The following WWC2 variants were observed in gnomAD, a reference collection of about 807,000 sequenced individuals.
The protein encoded by WWC2 is WW and C2 domain containing 2, also known as protein WWC2.
WWC2 carries 101 observed loss-of-function variants against 138.5 expected under a neutral mutation model. That is an observed-to-expected ratio of 0.73 (90% CI 0.62 to 0.86). The LOEUF is 0.86. WWC2 is among the 40% of genes least tolerant of loss of function. The pLI, the probability that WWC2 is intolerant of heterozygous loss-of-function variation, is 0.00. For missense variants in WWC2, 1,420 were observed against 1,419.4 expected, an observed-to-expected ratio of 1.00 and a Z score of -0.01; for synonymous variants, 558 against 538.4, an observed-to-expected ratio of 1.04 and a Z score of -0.50.
intron 2 of WWC2, among the ~76,000 whole-genome samples, chr4:183,196,467 A>AGTCTTCTGCTGTTT (rs1428432537): frequency 1.3e-5 from 2 of 152,114 alleles, no homozygotes; most frequent in African/African-American, 2.4e-5. Context: ...AATAGTCTTT[A>AGTCTTCTGCTGTTT]GTCTTCTGCT....
intron 1 of WWC2, among the ~76,000 whole-genome samples, chr4:183,128,541 G>A (rs959274934): frequency 1.3e-5 from 2 of 152,056 alleles, no homozygotes; most frequent in African/African-American, 4.8e-5. Flanking sequence ...GTCTTTTTGT[G>A]GCTCTTCCTA....
intron 16 of WWC2, among the ~76,000 whole-genome samples, chr4:183,276,663 C>T (rs1737865219): frequency 6.6e-6 from 1 of 152,070 alleles, no homozygotes; most frequent in African/African-American, 2.4e-5. Context: ...AGTATTCATT[C>T]AGATTTCCTC....
Position 183,099,326 on chromosome 4 carries a change from TGAGGCACCTC to T in WWC2, c.-165_-156del. The T allele has an allele frequency of 1.7e-6, 1 of 585,188 alleles. No homozygotes were observed. Among genetic ancestry groups the T allele is most frequent in the Non-Finnish European group, 2.3e-6 (1 of 430,876 alleles). 36.2% of individuals were successfully genotyped at this position (585,188 alleles called of 1,614,324 possible). On this transcript the variant is annotated 5_prime_UTR_variant, in exon 1 of 23. Coordinates refer to ENST00000403733, the MANE Select transcript of WWC2 (RefSeq NM_024949.6). The stretch of plus-strand genomic sequence containing the variant: ...CAGCGGGGCCGCGAACAGCGTTTCC[TGAGGCACCTC>T]CCGCGCGTGGTTCCGCCGCGCCCCG...
chr4:183,134,942 T>C (rs983975862), intron 1 of WWC2, among the ~76,000 whole-genome samples: 1 of 150,340 alleles, frequency 6.7e-6, no homozygotes, highest in Admixed American at 6.6e-5. Flanking sequence ...ATTTTTTTTT[T>C]TTTAAATTCG....
intron 1 of WWC2, among the ~76,000 whole-genome samples, chr4:183,176,740 G>A (rs546324870): frequency 6.6e-6 from 1 of 151,782 alleles, no homozygotes; most frequent in Non-Finnish European, 1.5e-5. Context: ...TTTTATTTTT[G>A]TTTTTTTAAA....
chr4:183,271,301 T>A, intron 16 of WWC2, 60 bp downstream of exon 16: 1 of 1,354,260 alleles, frequency 7.4e-7, no homozygotes, highest in Non-Finnish European at 9.8e-7. Context: ...GAAATACATA[T>A]ATGAAAGTAA....
intron 16 of WWC2, among the ~76,000 whole-genome samples, chr4:183,280,229 G>GTTTTTTTTTTTTTTTTTTTTT (rs869235261): frequency 1.1e-4 from 7 of 65,452 alleles, no homozygotes; most frequent in East Asian, 5.7e-4. Flanking sequence ...GATAGCAGCT[G>GTTTTTTTTTTTTTTTTTTTTT]TTTTTTTTTT....
At position 183,198,093 on chromosome 4, in the gene WWC2, C is replaced by G. The variant is rs375952472; in HGVS notation, c.241+4385C>G. Among the ~76,000 whole-genome samples the G allele has an allele frequency of 4.2e-4, 64 of 152,306 alleles. No individual in the cohort carries two copies. The East Asian group carries it at 5.8e-3, about 14-fold the overall frequency. On this transcript the variant is annotated intron_variant, in intron 2 of 22. Transcript: ENST00000403733. ...CAGTTTGCACCTGTGGTCGCACCTACTTGGGAGGCTGAGGTGGGCAGATTG... is the reference window on the plus strand; with the variant it reads ...CAGTTTGCACCTGTGGTCGCACCTAGTTGGGAGGCTGAGGTGGGCAGATTG...
intron 2 of WWC2, among the ~76,000 whole-genome samples, chr4:183,195,882 C>A (rs151116470): frequency 3.9e-5 from 6 of 152,242 alleles, no homozygotes; most frequent in Admixed American, 2.0e-4. Flanking sequence ...GGATATTTGT[C>A]CCATCTAAAT....
intron 21 of WWC2, among the ~76,000 whole-genome samples, chr4:183,296,287 C>G (rs1390051361): frequency 4.6e-5 from 7 of 152,194 alleles, no homozygotes; most frequent in Non-Finnish European, 8.8e-5. Context: ...CTTCTGGCAC[C>G]CACATGGCAG....
intron 5 of WWC2, among the ~76,000 whole-genome samples, chr4:183,241,310 T>A (rs73870386): frequency 6.6e-6 from 1 of 152,200 alleles, no homozygotes; most frequent in East Asian, 1.9e-4. Flanking sequence ...TCTGCTCTTA[T>A]TTGGGATGCT....
At chr4:183,220,363 G>C (rs1243677122) in intron 4 of WWC2, among the ~76,000 whole-genome samples, 1 of 152,120 alleles carries the variant, frequency 6.6e-6, no homozygotes, top group African/African-American at 2.4e-5. Flanking sequence ...AACTCATATA[G>C]CAGGCCATGT....
chr4:183,254,319 T>G (rs559021302), intron 9 of WWC2, among the ~76,000 whole-genome samples: 1 of 152,334 alleles, frequency 6.6e-6, no homozygotes, highest in East Asian at 1.9e-4. Context: ...AAAAATTATC[T>G]AGACTGTTAG....
intron 1 of WWC2, among the ~76,000 whole-genome samples, chr4:183,183,576 G>T (rs1734705453): frequency 6.6e-6 from 1 of 152,128 alleles, no homozygotes; most frequent in Non-Finnish European, 1.5e-5. Flanking sequence ...GAGCTCAGGA[G>T]TTTGAGACCA....
intron 1 of WWC2, among the ~76,000 whole-genome samples, chr4:183,155,784 A>G (rs1284217397): frequency 6.6e-6 from 1 of 152,174 alleles, no homozygotes; most frequent in Admixed American, 6.5e-5. Flanking sequence ...CCTTATGCTA[A>G]CAGAGAATCT....
chr4:183,282,958 G>A (rs1365289034), intron 18 of WWC2, 52 bp downstream of exon 18: 4 of 1,465,430 alleles, frequency 2.7e-6, no homozygotes, highest in African/African-American at 2.8e-5. Context: ...GGCACCATGT[G>A]GACTAGGGAG....
intron 5 of WWC2, among the ~76,000 whole-genome samples, chr4:183,243,894 G>A (rs1736692258): frequency 6.6e-6 from 1 of 151,840 alleles, no homozygotes; most frequent in African/African-American, 2.4e-5. Flanking sequence ...TTAATTGCTT[G>A]TTCAGCAGCA....
At chr4:183,240,101 C>T (rs1736569805) in intron 4 of WWC2, 82 bp from the exon 5 acceptor site, 3 of 984,942 alleles carry the variant, frequency 3.0e-6, no homozygotes, top group Admixed American at 3.1e-5. Flanking sequence ...TGTTTGTTTA[C>T]TAATTTATTA....
chr4:183,259,801 T>C (rs1737268525), intron 10 of WWC2, 73 bp downstream of exon 10: 1 of 1,032,360 alleles, frequency 9.7e-7, no homozygotes, highest in East Asian at 2.6e-5. Context: ...TGATTACTTT[T>C]CACTTTATTT....
Sources: allele counts gnomAD v4.1 joint callset (sites outside exome capture counted in the v4.1 genomes callset), GRCh38; gene constraint gnomAD v4.1.1; transcripts MANE v1.5; gene names NCBI Gene and HGNC (gene_info 2026-07-23, HGNC 2026-07-21).